The following ANKRD11 variants were observed in gnomAD, a reference collection of about 807,000 sequenced individuals.
The protein encoded by ANKRD11 is ankyrin repeat domain-containing protein 11.
A neutral mutation model predicts 195.7 loss-of-function variants in ANKRD11; 17 were observed. The observed-to-expected ratio is 0.09, with a 90% CI of 0.06 to 0.13. ANKRD11 has a LOEUF of 0.13. Ranked by LOEUF, ANKRD11 falls within the 10% of genes least tolerant of loss-of-function variation. The probability of loss-of-function intolerance (pLI) is 1.00; values close to 1 mark genes in which losing one functional copy is unlikely to be tolerated. For missense variants in ANKRD11, 3,735 were observed against 3,566.1 expected (o/e 1.05, Z -1.21); for synonymous variants, 1,953 against 1,528.1 (o/e 1.28, Z -6.49).
At chr16:89,364,247 A>T (rs1274136066) in intron 2 of ANKRD11, among the ~76,000 whole-genome samples, 2 of 152,242 alleles carry the variant, frequency 1.3e-5, no homozygotes, top group African/African-American at 4.8e-5. Context: ...CTGAAGTATG[A>T]AATGGATTCA....
chr16:89,428,311 G>A (rs558151408), intron 1 of ANKRD11, among the ~76,000 whole-genome samples: 60 of 152,196 alleles, frequency 3.9e-4, no homozygotes, highest in African/African-American at 1.3e-3. Flanking sequence ...AGATCAGAAG[G>A]TCAGGAGATC....
intron 2 of ANKRD11, among the ~76,000 whole-genome samples, chr16:89,362,387 A>G (rs1261921929): frequency 6.6e-6 from 1 of 152,210 alleles, no homozygotes; most frequent in Non-Finnish European, 1.5e-5. Context: ...CCTGAGCTGG[A>G]GAGAGTGCAC....
At chr16:89,469,767 C>T (rs1024652037) in intron 1 of ANKRD11, among the ~76,000 whole-genome samples, 2 of 147,444 alleles carry the variant, frequency 1.4e-5, no homozygotes, top group African/African-American at 2.5e-5. Context: ...GGCGTGGTGG[C>T]GGGCGCCTGT....
At chr16:89,326,260 G>A (rs146576477) in intron 2 of ANKRD11, among the ~76,000 whole-genome samples, 82 of 152,292 alleles carry the variant, frequency 5.4e-4, no homozygotes, top group African/African-American at 1.9e-3. Context: ...ATAAACACAC[G>A]GAAGTGACCA....
chr16:89,486,816 G>A (rs182141369), intron 1 of ANKRD11, among the ~76,000 whole-genome samples: 1 of 152,110 alleles, frequency 6.6e-6, no homozygotes, highest in African/African-American at 2.4e-5. Context: ...AACCAGCCTG[G>A]CCAACATGGT....
intron 4 of ANKRD11, chr16:89,300,245 T>C (rs2035766024): frequency 4.2e-6 from 1 of 240,086 alleles, no homozygotes; most frequent in Non-Finnish European, 8.4e-6. Context: ...GCCTGACCTG[T>C]GTGGGGTGCG....
At chr16:89,436,889 C>A (rs1567803891) in intron 1 of ANKRD11, among the ~76,000 whole-genome samples, 1 of 152,184 alleles carries the variant, frequency 6.6e-6, no homozygotes, top group Admixed American at 6.5e-5. Context: ...AACTTATCTA[C>A]TTTCTTAAGC....
intron 2 of ANKRD11, among the ~76,000 whole-genome samples, chr16:89,352,812 C>G (rs992941605): frequency 7.2e-5 from 11 of 152,194 alleles, no homozygotes; most frequent in Non-Finnish European, 1.5e-4. Context: ...TTCAAGATGA[C>G]CACATGGGCC....
In ANKRD11 at chr16:89,440,748, C is replaced by T. The variant is rs975209189; in HGVS notation, c.-144-22380G>A. Among the ~76,000 whole-genome samples the T allele has an allele frequency of 7.2e-5, 11 of 152,320 alleles. No individual in the cohort carries two copies. The East Asian group carries it at 2.1e-3, about 29-fold the overall frequency. On this transcript the variant is annotated intron_variant, in intron 1 of 12. Transcript: ENST00000301030. ...CTGGAGAAGCCAGAGGACATCCAGG[C>T]ACCACCCAGCAAGGGGCTACAGAAA...
intron 1 of ANKRD11, among the ~76,000 whole-genome samples, chr16:89,487,434 CTT>C (rs2057656781): frequency 6.6e-6 from 1 of 152,232 alleles, no homozygotes; most frequent in Admixed American, 6.5e-5. Context: ...TAAGACTCCT[CTT>C]ATATTTGATG....
chr16:89,361,504 G>A (rs2039730839), intron 2 of ANKRD11: 1 of 152,240 alleles, frequency 6.6e-6, no homozygotes, highest in African/African-American at 2.4e-5. Flanking sequence ...CATATCCCAA[G>A]CCATTAACAA....
At chr16:89,302,955 C>T (rs1040058481) in intron 4 of ANKRD11, among the ~76,000 whole-genome samples, 5 of 152,240 alleles carry the variant, frequency 3.3e-5, no homozygotes, top group South Asian at 4.2e-4. Flanking sequence ...TGGGCCAGCA[C>T]GGCTGGCACC....
rs1305826644 is a variant in ANKRD11 at position 89,268,450 on chromosome 16, GCCTGCGT to G, written c.*21_*27del. On this transcript the variant is annotated 3_prime_UTR_variant, in exon 13 of 13. Transcript: ENST00000301030. ...AGTCCTGGGCAGCCGTGCGGCCCTC[GCCTGCGT>G]CCTGCGGCCGTCCCGCGGTGTCATG... is the stretch of plus-strand genomic sequence containing the variant. 3.8e-6 allele frequency: 4 copies of G among 1,043,652 alleles called. No homozygotes were observed. Among genetic ancestry groups the G allele is most frequent in the East Asian group, 2.7e-5 (1 of 37,600 alleles). 64.6% of individuals were successfully genotyped at this position (1,043,652 alleles called of 1,614,324 possible). A position where few individuals can be genotyped will look rare whatever the true frequency, so the allele number is the denominator to read the frequency against.
intron 2 of ANKRD11, among the ~76,000 whole-genome samples, chr16:89,333,771 T>C (rs2038188847): frequency 6.6e-6 from 1 of 152,144 alleles, no homozygotes. Context: ...TTGGCAATTA[T>C]GAATAAAGCC....
chr16:89,288,830 G>A (rs1300047468), intron 6 of ANKRD11, 160 bp from the exon 7 acceptor site: 3 of 934,130 alleles, frequency 3.2e-6, no homozygotes, highest in African/African-American at 1.6e-5. Flanking sequence ...TGCTGGCCCA[G>A]AGAACCCCTA....
At chr16:89,364,637 A>T (rs922465815) in intron 2 of ANKRD11, among the ~76,000 whole-genome samples, 2 of 152,208 alleles carry the variant, frequency 1.3e-5, no homozygotes, top group Non-Finnish European at 2.9e-5. Context: ...AAAATACACC[A>T]ATGCTAACAA....
chr16:89,324,332 C>A (rs147430058), intron 2 of ANKRD11: 270 of 1,199,336 alleles, frequency 2.3e-4, no homozygotes, highest in Non-Finnish European at 2.8e-4. Context: ...GTCGGGGCGA[C>A]GTGGGTGCCT....
At chr16:89,489,703 G>A (rs1447840919) in intron 1 of ANKRD11, among the ~76,000 whole-genome samples, 1 of 149,046 alleles carries the variant, frequency 6.7e-6, no homozygotes, top group Non-Finnish European at 1.5e-5. Flanking sequence ...GCCCCTCCCG[G>A]CAGCCTCAGG....
chr16:89,445,324 G>C (rs1195917004), intron 1 of ANKRD11, among the ~76,000 whole-genome samples: 1 of 152,196 alleles, frequency 6.6e-6, no homozygotes, highest in African/African-American at 2.4e-5. Flanking sequence ...CCACTGCTCA[G>C]CCGTTTCGAA....
Sources: gnomAD v4.1 joint callset for allele counts (sites outside exome capture counted in the v4.1 genomes callset) on GRCh38, gnomAD v4.1.1 for gene constraint, MANE v1.5 for transcripts, NCBI Gene and HGNC (gene_info 2026-07-23, HGNC 2026-07-21) for gene names.